The following TNR variants were observed in gnomAD, a reference collection of about 807,000 sequenced individuals.
TNR encodes tenascin-R.
TNR carries 45 observed loss-of-function variants against 150.4 expected under a neutral mutation model. The observed-to-expected ratio is 0.30, with a 90% CI of 0.24 to 0.38. The LOEUF (loss-of-function observed/expected upper bound fraction) is 0.38, where lower values mean the gene tolerates loss of function less well. Among genes scored for constraint, TNR ranks in the 10% least tolerant of loss-of-function variants. The probability of loss-of-function intolerance (pLI) is 1.00; values close to 1 mark genes in which losing one functional copy is unlikely to be tolerated. For missense variants in TNR, 1,544 were observed against 1,759.1 expected, an observed-to-expected ratio of 0.88 and a Z score of 2.19; for synonymous variants, 687 against 678.4, an observed-to-expected ratio of 1.01 and a Z score of -0.20.
At chr1:175,740,799 G>A (rs1307222122) in intron 1 of TNR, among the ~76,000 whole-genome samples, 2 of 152,158 alleles carry the variant, frequency 1.3e-5, no homozygotes, top group African/African-American at 4.8e-5. Context: ...AGCCACAGAG[G>A]ACTCAATGAA....
intron 2 of TNR, among the ~76,000 whole-genome samples, chr1:175,472,433 A>G (rs1275632889): frequency 6.6e-6 from 1 of 152,224 alleles, no homozygotes; most frequent in East Asian, 1.9e-4. Flanking sequence ...TAACATAGCT[A>G]TTTATTTCAT....
chr1:175,471,259 G>A (rs1657273965), intron 2 of TNR, among the ~76,000 whole-genome samples: 3 of 151,990 alleles, frequency 2.0e-5, no homozygotes, highest in Non-Finnish European at 4.4e-5. Flanking sequence ...TCTTTATTTG[G>A]GATCCTTGAC....
chr1:175,416,206 T>A (rs919180883), intron 2 of TNR, among the ~76,000 whole-genome samples: 1 of 152,078 alleles, frequency 6.6e-6, no homozygotes. Context: ...ATATTGTATA[T>A]GATCCCATTT....
intron 1 of TNR, among the ~76,000 whole-genome samples, chr1:175,727,657 A>T (rs1667515723): frequency 6.6e-6 from 1 of 152,194 alleles, no homozygotes; most frequent in African/African-American, 2.4e-5. Flanking sequence ...TAATTGCAGG[A>T]ACAGAGGCTT....
At chr1:175,355,890 C>A (rs2102006333) in intron 16 of TNR, among the ~76,000 whole-genome samples, 1 of 152,310 alleles carries the variant, frequency 6.6e-6, no homozygotes, top group South Asian at 2.1e-4. Flanking sequence ...TCCACACTGA[C>A]CTTCTATGCC....
chr1:175,592,177 T>C (rs1218836514), intron 1 of TNR, among the ~76,000 whole-genome samples: 1 of 152,222 alleles, frequency 6.6e-6, no homozygotes, highest in Admixed American at 6.5e-5. Context: ...AGAGTTATGG[T>C]AAGACATAAG....
At chr1:175,661,541 G>A (rs1357586612) in intron 1 of TNR, among the ~76,000 whole-genome samples, 6 of 152,080 alleles carry the variant, frequency 3.9e-5, no homozygotes, top group East Asian at 1.9e-4. Flanking sequence ...CCTGCCTCAC[G>A]TTGTACTGCT....
chr1:175,717,494 G>A (rs1392058676), intron 1 of TNR, among the ~76,000 whole-genome samples: 1 of 152,108 alleles, frequency 6.6e-6, no homozygotes, highest in Non-Finnish European at 1.5e-5. Context: ...AGCGATTTTT[G>A]CCCTTCATGT....
chr1:175,398,308 T>G (rs1266051319), intron 4 of TNR, among the ~76,000 whole-genome samples: 2 of 152,238 alleles, frequency 1.3e-5, no homozygotes, highest in Non-Finnish European at 2.9e-5. Context: ...AAGCAGAGCT[T>G]CTTGAGGATG....
intron 1 of TNR, among the ~76,000 whole-genome samples, chr1:175,665,449 G>A (rs528669620): frequency 5.0e-4 from 76 of 152,232 alleles, no homozygotes; most frequent in African/African-American, 1.6e-3. Context: ...GAGGAAGCTG[G>A]CACTTTTCTC....
At chr1:175,440,524 T>C (rs938767954) in intron 2 of TNR, among the ~76,000 whole-genome samples, 8 of 148,266 alleles carry the variant, frequency 5.4e-5, no homozygotes, top group African/African-American at 2.0e-4. Flanking sequence ...ACTTAAAGTA[T>C]AATAATAATA....
At chr1:175,365,375 C>T (rs1457791504) in intron 11 of TNR, 96 bp from the exon 12 acceptor site, 25 of 1,374,968 alleles carry the variant, frequency 1.8e-5, no homozygotes, top group Non-Finnish European at 2.3e-5. Flanking sequence ...GCTCTCCTTG[C>T]TAATAAGGGC....
intron 20 of TNR, chr1:175,330,598 T>C (rs1208518534): frequency 1.2e-5 from 2 of 171,718 alleles, no homozygotes; most frequent in East Asian, 1.6e-4. Flanking sequence ...ATTACATGGA[T>C]GTGAGCCCTT....
At chr1:175,640,373 T>A (rs994746999) in intron 1 of TNR, among the ~76,000 whole-genome samples, 6 of 152,210 alleles carry the variant, frequency 3.9e-5, no homozygotes, top group Admixed American at 3.9e-4. Flanking sequence ...TGGACGTCTG[T>A]CTGGGAGGGA....
chr1:175,419,771 C>T (rs562234062), intron 2 of TNR, among the ~76,000 whole-genome samples: 3 of 152,242 alleles, frequency 2.0e-5, no homozygotes, highest in South Asian at 4.1e-4. Context: ...TGTGAGCCAC[C>T]GCACCTGGCC....
chr1:175,612,099 C>T (rs1022162410), intron 1 of TNR, among the ~76,000 whole-genome samples: 2 of 152,106 alleles, frequency 1.3e-5, no homozygotes, highest in Non-Finnish European at 2.9e-5. Context: ...GTATGATAAA[C>T]CCTGTCTTGA....
intron 1 of TNR, among the ~76,000 whole-genome samples, chr1:175,534,869 A>C (rs1328962356): frequency 6.6e-6 from 1 of 152,148 alleles, no homozygotes; most frequent in East Asian, 1.9e-4. Flanking sequence ...AGTTTCCTCC[A>C]TGGCTGCTGT....
intron 2 of TNR, among the ~76,000 whole-genome samples, chr1:175,441,834 A>C (rs1296356894): frequency 6.6e-6 from 1 of 152,242 alleles, no homozygotes; most frequent in Non-Finnish European, 1.5e-5. Flanking sequence ...TATTGCCAAC[A>C]GAAGAACATG....
At chr1:175,543,220 G>C (rs190760694) in intron 1 of TNR, among the ~76,000 whole-genome samples, 10 of 152,276 alleles carry the variant, frequency 6.6e-5, no homozygotes, top group South Asian at 2.1e-4. Context: ...GAACTCCCAG[G>C]GGGGAGCAGA....
Sources: gnomAD v4.1 joint callset for allele counts (sites outside exome capture counted in the v4.1 genomes callset) on GRCh38, gnomAD v4.1.1 for gene constraint, MANE v1.5 for transcripts, NCBI Gene and HGNC (gene_info 2026-07-23, HGNC 2026-07-21) for gene names.